SARS1: variants seen among roughly 807,000 people sequenced by gnomAD.
The protein encoded by SARS1 is seryl-tRNA synthetase 1.
In SARS1, 25 loss-of-function variants were observed where a neutral mutation model predicts 63.7. The ratio of observed to expected loss-of-function variants is 0.39; its 90% CI spans 0.29 to 0.55. The LOEUF (loss-of-function observed/expected upper bound fraction) is 0.55. Ranked by LOEUF, SARS1 falls within the 20% of genes least tolerant of loss-of-function variation. The probability of loss-of-function intolerance (pLI) is 0.62; values close to 1 mark genes in which losing one functional copy is unlikely to be tolerated. For synonymous variants in SARS1, 231 were observed against 243.5 expected, an observed-to-expected ratio of 0.95 and a Z score of 0.48; for missense variants, 417 against 649.7, an observed-to-expected ratio of 0.64 and a Z score of 3.89.
intron 6 of SARS1, among the ~76,000 whole-genome samples, chr1:109,232,332 A>C (rs1431098675): frequency 6.6e-6 from 1 of 152,240 alleles, no homozygotes; most frequent in Non-Finnish European, 1.5e-5. Context: ...ATTCTGATCA[A>C]CTGGCTCTAA....
chr1:109,220,620 G>C lies in SARS1; in HGVS notation c.137-3358G>C, dbSNP rs546347189. Among the ~76,000 whole-genome samples the C allele has an allele frequency of 3.9e-5, 6 of 152,166 alleles. No homozygotes were observed. In the South Asian group the frequency reaches 1.0e-3, roughly 26 times the overall value. On this transcript the variant is annotated intron_variant, in intron 1 of 10. Transcript: ENST00000234677. ...CGTGTGGATAGAAGAATACCTGTGA[G>C]ATACAGATACCACAGATCTCCTCTC...
intron 1 of SARS1, among the ~76,000 whole-genome samples, chr1:109,218,193 C>CAA (rs35069915): frequency 2.0e-4 from 8 of 39,754 alleles, no homozygotes; most frequent in African/African-American, 3.0e-4. Context: ...ACTCTGTCTC[C>CAA]AAAAAAAAAA....
intron 1 of SARS1, chr1:109,216,503 C>A (rs763887029): frequency 2.8e-5 from 28 of 985,162 alleles, no homozygotes; most frequent in Non-Finnish European, 3.3e-5. Context: ...TGGCCCCACT[C>A]CCAAAGCAAA....
In SARS1 at chr1:109,213,965, C is replaced by G. The variant is rs766629396; in HGVS notation, c.-28C>G. The G allele has an allele frequency of 1.3e-6, 2 of 1,597,998 alleles. No homozygotes were observed. Among genetic ancestry groups the G allele is most frequent in the African/African-American group, 2.7e-5 (2 of 74,290 alleles). ...AGTGCTGCGGCGCGATCCTTGCTTC[C>G]CTGAGCGTTGGCCCGGGAGGAAAGA... On this transcript the variant is annotated 5_prime_UTR_variant, in exon 1 of 11. Transcript: ENST00000234677.
Position 109,235,872 on chromosome 1 carries a change from C to A in SARS1, c.970-105C>A. 8.6e-7 allele frequency: 1 copy of A among 1,160,036 alleles called. No homozygotes were observed. The highest frequency in any genetic ancestry group is 1.2e-6 in the Non-Finnish European group (1 of 822,650). The allele number at this position is 1,160,036 out of a possible 1,614,324, so 71.9% of individuals were successfully genotyped here. On this transcript the variant is annotated intron_variant, in intron 7 of 10. Coordinates refer to ENST00000234677, the MANE Select transcript of SARS1 (RefSeq NM_006513.4). The surrounding 1 kb of genome is among the most constrained non-coding windows in gnomAD (Gnocchi z 4.7). ...TTGCTGGGGGCCCAGACTTGCCTGC[C>A]TCCCAGTGGTGTGGAAACAGGTCTT...
chr1:109,237,182 G>A lies in SARS1; in HGVS notation c.1258-62G>A. 6.4e-7 allele frequency: 1 copy of A among 1,563,856 alleles called. No individual in the cohort carries two copies. The highest frequency in any genetic ancestry group is 8.6e-7 in the Non-Finnish European group (1 of 1,158,866). On this transcript the variant is annotated intron_variant, in intron 9 of 10. Transcript: ENST00000234677. This position sits in a 1 kb window ranked among gnomAD's most constrained non-coding sequence, Gnocchi z 4.1. ...AGTCTGGTTGAATGGATGGTTCCTG[G>A]CCGTCAGTAAGACCCGATGAGAGTT...
intron 1 of SARS1, chr1:109,216,325 T>A (rs1347815170): frequency 3.0e-6 from 3 of 985,306 alleles, no homozygotes; most frequent in African/African-American, 3.5e-5. Context: ...TCCTGTAGAC[T>A]TACAAGGTAC....
chr1:109,218,787 C>A (rs1473062590), intron 1 of SARS1, among the ~76,000 whole-genome samples: 1 of 152,114 alleles, frequency 6.6e-6, no homozygotes, highest in Non-Finnish European at 1.5e-5. Flanking sequence ...GTTGTAGTGC[C>A]ACCTCATTTA....
At position 109,236,556 on chromosome 1, in the gene SARS1, GCC is replaced by G. The variant is rs746704537; in HGVS notation, c.1257+12_1257+13del. 6.3e-7 allele frequency: 1 copy of G among 1,597,250 alleles called. No individual in the cohort carries two copies. Among genetic ancestry groups the G allele is most frequent in the Admixed American group, 1.7e-5 (1 of 59,700 alleles). On this transcript the variant is annotated intron_variant, in intron 9 of 10. Coordinates refer to ENST00000234677, the MANE Select transcript of SARS1 (RefSeq NM_006513.4). ...AAGAAGATGATGGACAAGGTAGATG[GCC>G]CCCAGGGAGGTGGGAAGCAGAGTCT...
chr1:109,217,455 C>T (rs1054193591), intron 1 of SARS1, among the ~76,000 whole-genome samples: 2 of 150,748 alleles, frequency 1.3e-5, no homozygotes, highest in Non-Finnish European at 3.0e-5. Context: ...TGTTTGTATC[C>T]AATATAAAAA....
At chr1:109,221,960 T>TTTTGTGTGTGTGTGTG (rs771565091) in intron 1 of SARS1, among the ~76,000 whole-genome samples, 10 of 10,060 alleles carry the variant, frequency 9.9e-4, no homozygotes, top group African/African-American at 1.5e-3. Context: ...GCTAATTTTT[T>TTTTGTGTGTGTGTGTG]TGTGTGTGTG....
Position 109,236,057 on chromosome 1 carries a change from G to A in SARS1, c.1050G>A (p.Glu350=), listed in dbSNP as rs1655301013. The A allele has an allele frequency of 6.2e-7, 1 of 1,614,112 alleles. No individual in the cohort carries two copies. The highest frequency in any genetic ancestry group is 8.5e-7 in the Non-Finnish European group (1 of 1,179,972). ...MFEEMITTAE[E]FYQSLGIPYH... ...AAGAGATGATTACCACCGCAGAGGA[G>A]TTCTACCAGTCCCTGGGGATTCCTT... Residue 350 remains glutamate, a synonymous_variant, in exon 8 of 11, where the codon GAG becomes GAA. Transcript: ENST00000234677.
At chr1:109,231,199 C>A in intron 5 of SARS1, 178 bp downstream of exon 5, 1 of 333,954 alleles carries the variant, frequency 3.0e-6, no homozygotes, top group Non-Finnish European at 5.0e-6. Flanking sequence ...CTTTCTAAAG[C>A]AAGAGAGGGC....
Position 109,214,153 on chromosome 1 carries a change from C to T in SARS1, c.136+25C>T. ...TGTAAGTACCGGGACGGGCGGGTTACCTCCTTGATGCTAAACCCAATTTTC... is the reference window on the plus strand; with the variant it reads ...TGTAAGTACCGGGACGGGCGGGTTATCTCCTTGATGCTAAACCCAATTTTC... On this transcript the variant is annotated intron_variant, in intron 1 of 10. Coordinates refer to ENST00000234677, the MANE Select transcript of SARS1 (RefSeq NM_006513.4). This position sits in a 1 kb window ranked among gnomAD's most constrained non-coding sequence, Gnocchi z 4.6. The T allele has an allele frequency of 6.2e-7, 1 of 1,611,078 alleles. No individual in the cohort carries two copies.
In SARS1 at chr1:109,237,213, C is replaced by T. The variant is rs369947626; in HGVS notation, c.1258-31C>T. The T allele has an allele frequency of 3.3e-5, 52 of 1,598,306 alleles. No homozygotes were observed. The highest frequency in any genetic ancestry group is 8.9e-5 in the East Asian group (4 of 44,732). Reference sequence around the variant, plus strand: ...AGTAAGACCCGATGAGAGTTGAGCCCGACTTCCCCTCTGGGACCCTGTCTT... The same window carrying T: ...AGTAAGACCCGATGAGAGTTGAGCCTGACTTCCCCTCTGGGACCCTGTCTT... On this transcript the variant is annotated intron_variant, in intron 9 of 10. Coordinates refer to ENST00000234677, the MANE Select transcript of SARS1 (RefSeq NM_006513.4). This position sits in a 1 kb window ranked among gnomAD's most constrained non-coding sequence, Gnocchi z 4.1.
intron 1 of SARS1, among the ~76,000 whole-genome samples, chr1:109,221,919 C>T (rs1654935332): frequency 1.5e-5 from 2 of 137,666 alleles, no homozygotes; most frequent in Non-Finnish European, 1.5e-5. Context: ...TCCCAAGTAG[C>T]TGGGAGTACA....
chr1:109,225,796 G>A (rs556590350), intron 2 of SARS1, among the ~76,000 whole-genome samples: 2 of 152,296 alleles, frequency 1.3e-5, no homozygotes, highest in East Asian at 3.9e-4. Context: ...TAGTTGCAGA[G>A]TCAAACCTTG....
rs1236934459 is a variant in SARS1 at position 109,235,838 on chromosome 1, C to T, written c.970-139C>T. Reference sequence around the variant, plus strand: ...ACCATAAGCATTTGCTCTTGTGGTCCAGTCCCAGTTGCTGGGGGCCCAGAC... The same window carrying T: ...ACCATAAGCATTTGCTCTTGTGGTCTAGTCCCAGTTGCTGGGGGCCCAGAC... On this transcript the variant is annotated intron_variant, in intron 7 of 10. Transcript: ENST00000234677. This position sits in a 1 kb window ranked among gnomAD's most constrained non-coding sequence, Gnocchi z 4.7. The T allele has an allele frequency of 1.0e-5, 8 of 775,014 alleles. No individual in the cohort carries two copies. Among genetic ancestry groups the T allele is most frequent in the African/African-American group, 1.7e-5 (1 of 58,056 alleles). 48.0% of individuals were successfully genotyped at this position (775,014 alleles called of 1,614,324 possible).
intron 6 of SARS1, among the ~76,000 whole-genome samples, chr1:109,233,719 CAG>C (rs1473621434): frequency 7.9e-5 from 12 of 151,702 alleles, no homozygotes; most frequent in Admixed American, 7.2e-4. Context: ...TTTTTTGAGA[CAG>C]AGTCTCACTC....
Sources: gnomAD v4.1 joint callset for allele counts (sites outside exome capture counted in the v4.1 genomes callset) on GRCh38, gnomAD v4.1.1 for gene constraint, Gnocchi (gnomAD v3.1) non-coding constraint, MANE v1.5 for transcripts, NCBI Gene and HGNC (gene_info 2026-07-23, HGNC 2026-07-21) for gene names.